The following XRRA1 variants were observed in gnomAD, a reference collection of about 807,000 sequenced individuals.
XRRA1 encodes X-ray radiation resistance-associated protein 1.
XRRA1 carries 69 observed loss-of-function variants against 80.2 expected under a neutral mutation model. The ratio of observed to expected loss-of-function variants is 0.86; its 90% CI spans 0.71 to 1.05. XRRA1 has a LOEUF of 1.05. Ranked by LOEUF, XRRA1 falls within the 50% of genes least tolerant of loss-of-function variation. XRRA1 has a pLI of 0.00. For synonymous variants in XRRA1, 348 were observed against 389.9 expected (o/e 0.89, Z 1.27); for missense variants, 967 against 976.4 (o/e 0.99, Z 0.13).
rs539187153 is a variant in XRRA1 at position 74,906,594 on chromosome 11, C to T, written c.786-138G>A. 21 of 938,846 alleles carry T rather than the reference C, an allele frequency of 2.2e-5. No individual in the cohort carries two copies. The African/African-American group carries it at 3.0e-4, about 13-fold the overall frequency. The allele number at this position is 938,846 out of a possible 1,614,324, so 58.2% of individuals were successfully genotyped here. ...TGTGTGACGTTGAGCCGGTGACTTA[C>T]TCTCTCTGGGATTCAATATCCCTGT... is the stretch of plus-strand genomic sequence containing the variant. On this transcript the variant is annotated intron_variant, in intron 9 of 18. Transcript: ENST00000684022.
At chr11:74,883,217 G>A (rs1048186726) in intron 10 of XRRA1, among the ~76,000 whole-genome samples, 7 of 152,246 alleles carry the variant, frequency 4.6e-5, no homozygotes, top group Non-Finnish European at 7.3e-5. Flanking sequence ...CTCGTGGTGT[G>A]CCGTTTTTTA....
rs975010616 is a variant in XRRA1 at position 74,848,396 on chromosome 11, T to C, written c.1447A>G (p.Thr483Ala). 5 of 1,613,798 alleles carry C rather than the reference T, an allele frequency of 3.1e-6. No homozygotes were observed. The African/African-American group carries it at 4.0e-5, about 13-fold the overall frequency. Residue 483 changes from threonine to alanine, a missense_variant, in exon 15 of 19, where the codon ACC becomes GCC. Thr to Ala is a moderately conservative substitution (Grantham distance 58). Transcript: ENST00000684022. ...AGCATATCCTTTGAGGGAGACTTGG[T>C]TGTCGTCATGCGCGGGTGATGGAGC... The part of the protein sequence containing the change: ...LVLHHPRMTT[T>A]KSPSKDMLEP...
chr11:74,843,609 T>A, intron 18 of XRRA1, 156 bp from the exon 19 acceptor site: 1 of 1,041,986 alleles, frequency 9.6e-7, no homozygotes, highest in Non-Finnish European at 1.4e-6. Flanking sequence ...GGGAAGTCAC[T>A]GACTTCCTAC....
intron 10 of XRRA1, among the ~76,000 whole-genome samples, 175 bp downstream of exon 10, chr11:74,906,064 A>G (rs1591288593): frequency 1.3e-5 from 2 of 152,234 alleles, no homozygotes; most frequent in African/African-American, 4.8e-5. Context: ...TACTGTAACA[A>G]AAGAAATCAA....
intron 10 of XRRA1, among the ~76,000 whole-genome samples, chr11:74,890,806 A>G (rs1417691987): frequency 2.0e-5 from 3 of 152,258 alleles, no homozygotes; most frequent in African/African-American, 4.8e-5. Flanking sequence ...AATCTAGAAG[A>G]AATGGATAAA....
chr11:74,939,860 A>C (rs912211260), intron 3 of XRRA1, among the ~76,000 whole-genome samples: 4 of 152,074 alleles, frequency 2.6e-5, no homozygotes, highest in African/African-American at 9.6e-5. Flanking sequence ...AGAGAGAGAG[A>C]GAGCGAGAGC....
intron 2 of XRRA1, among the ~76,000 whole-genome samples, chr11:74,943,645 G>A (rs1251274356): frequency 6.6e-6 from 1 of 151,770 alleles, no homozygotes; most frequent in African/African-American, 2.4e-5. Context: ...CTGCCATGCA[G>A]AAACCTAAGT....
chr11:74,868,999 C>A (rs2044134564), intron 10 of XRRA1, among the ~76,000 whole-genome samples: 1 of 151,980 alleles, frequency 6.6e-6, no homozygotes, highest in Non-Finnish European at 1.5e-5. Context: ...CATATGGACC[C>A]AATTGACATC....
At chr11:74,899,188 GA>G (rs546764440) in intron 10 of XRRA1, among the ~76,000 whole-genome samples, 1 of 152,000 alleles carries the variant, frequency 6.6e-6, no homozygotes, top group African/African-American at 2.4e-5. Flanking sequence ...AATTAAGATG[GA>G]AATTTTAAAA....
intron 10 of XRRA1, among the ~76,000 whole-genome samples, chr11:74,871,692 C>G (rs2044819571): frequency 6.6e-6 from 1 of 152,136 alleles, no homozygotes; most frequent in Non-Finnish European, 1.5e-5. Flanking sequence ...CAAAATTCCC[C>G]ACTCCCCCAG....
At chr11:74,845,635 C>G (rs148822510) in intron 15 of XRRA1, among the ~76,000 whole-genome samples, 1 of 152,108 alleles carries the variant, frequency 6.6e-6, no homozygotes. Context: ...AGGAACAGCA[C>G]GAGCAAAGGC....
chr11:74,902,580 C>T (rs547335378), intron 10 of XRRA1, among the ~76,000 whole-genome samples: 15 of 152,178 alleles, frequency 9.9e-5, no homozygotes, highest in East Asian at 3.9e-4. Flanking sequence ...GAGTACTATT[C>T]GGCCATTAAA....
At chr11:74,860,833 GGAATTTTCTGAGT>G (rs1463587767) in intron 11 of XRRA1, among the ~76,000 whole-genome samples, 1 of 152,138 alleles carries the variant, frequency 6.6e-6, no homozygotes, top group Non-Finnish European at 1.5e-5. Context: ...TAAAACTCTT[GGAATTTTCTGAGT>G]GATAGGAATA....
Position 74,930,306 on chromosome 11 carries a change from G to A in XRRA1, c.418C>T (p.Pro140Ser). The change falls in exon 6 of 19, where the codon CCT becomes TCT. Residue 140 changes from proline (P) to serine (S), a missense_variant. By Grantham distance (74) the Pro-to-Ser change is moderately conservative. Coordinates refer to ENST00000684022, the MANE Select transcript of XRRA1 (RefSeq NM_001378157.1). The part of the protein sequence containing the change: ...IYINASENLL[P>S]LEAFHTFPAL... ...CAAGAAAGAAAAAGCTTACCTAGAG[G>A]CAGCAGGTTTTCTGAGGCATTGATA... 2.6e-6 allele frequency: 4 copies of A among 1,567,090 alleles called. No individual in the cohort carries two copies. The highest frequency in any genetic ancestry group is 3.5e-6 in the Non-Finnish European group (4 of 1,154,254).
intron 16 of XRRA1, among the ~76,000 whole-genome samples, 159 bp from the exon 17 acceptor site, chr11:74,844,442 TC>T (rs1565208409): frequency 6.6e-6 from 1 of 152,292 alleles, no homozygotes; most frequent in Non-Finnish European, 1.5e-5. Context: ...CCGGATCTGT[TC>T]CAGTGCCTGA....
chr11:74,843,757 TA>T, intron 18 of XRRA1, 96 bp downstream of exon 18: 1 of 1,142,916 alleles, frequency 8.7e-7, no homozygotes. Flanking sequence ...AGTTGCTCTC[TA>T]AGGGCCTTTC....
intron 12 of XRRA1, among the ~76,000 whole-genome samples, chr11:74,853,844 C>T (rs901155419): frequency 1.3e-5 from 2 of 152,070 alleles, no homozygotes; most frequent in African/African-American, 4.8e-5. Flanking sequence ...AGAAAGAGGG[C>T]ACCTGGTGCA....
intron 3 of XRRA1, among the ~76,000 whole-genome samples, chr11:74,938,308 T>C (rs1945515823): frequency 6.6e-6 from 1 of 152,182 alleles, no homozygotes; most frequent in Non-Finnish European, 1.5e-5. Context: ...GTTACCCCAT[T>C]TCCCAGGGCT....
At position 74,842,109 on chromosome 11, in the gene XRRA1, G is replaced by A. The variant is rs1055398268; in HGVS notation, c.*1091C>T. 6.6e-6 allele frequency: 1 copy of A among 151,934 alleles called. No homozygotes were observed. The highest frequency in any genetic ancestry group is 1.5e-5 in the Non-Finnish European group (1 of 68,026). 9.4% of individuals were successfully genotyped at this position (151,934 alleles called of 1,614,324 possible). On this transcript the variant is annotated 3_prime_UTR_variant, in exon 19 of 19. Transcript: ENST00000684022. ...TCCCCTCCTGCCTAGAAAATAGGTT[G>A]TGTATTGGTTTTATTCAACCTGCTG...
Sources: gnomAD v4.1 joint callset for allele counts (sites outside exome capture counted in the v4.1 genomes callset) on GRCh38, gnomAD v4.1.1 for gene constraint, MANE v1.5 for transcripts, NCBI Gene and HGNC (gene_info 2026-07-23, HGNC 2026-07-21) for gene names.